TMEM101: variants seen among roughly 807,000 people sequenced by gnomAD.
The protein encoded by TMEM101 is putative NF-kappa-B-activating protein 130.
TMEM101 carries 14 observed loss-of-function variants against 26.0 expected under a neutral mutation model. The ratio of observed to expected loss-of-function variants is 0.54; its 90% confidence interval spans 0.36 to 0.84. The LOEUF (loss-of-function observed/expected upper bound fraction) is 0.84, where lower values mean the gene tolerates loss of function less well. Among genes scored for constraint, TMEM101 ranks in the 40% least tolerant of loss-of-function variants. The pLI is 0.01. For synonymous variants in TMEM101, 152 were observed against 145.1 expected (o/e 1.05, Z -0.34); for missense variants, 292 against 345.1 (o/e 0.85, Z 1.22).
intron 2 of TMEM101, among the ~76,000 whole-genome samples, chr17:44,021,143 T>TA (rs1261389263): frequency 6.6e-6 from 1 of 152,200 alleles, no homozygotes; most frequent in Non-Finnish European, 1.5e-5. Context: ...TGGACCTGAA[T>TA]GTTCCGTTCT....
chr17:44,015,459 T>C (rs1341173394), upstream of TMEM101, among the ~76,000 whole-genome samples: 1 of 152,070 alleles, frequency 6.6e-6, no homozygotes, highest in Non-Finnish European at 1.5e-5. Context: ...AATGGCACGA[T>C]CTTGGCTCAC....
At position 44,014,622 on chromosome 17, in the gene TMEM101, C is replaced by T. The variant is rs2049205845; in HGVS notation, c.138-85G>A. The T allele has an allele frequency of 5.2e-6, 8 of 1,526,392 alleles. No individual in the cohort carries two copies. The South Asian group carries it at 9.7e-5, about 19-fold the overall frequency. 94.6% of individuals were successfully genotyped at this position (1,526,392 alleles called of 1,614,324 possible). Reference sequence around the variant, plus strand: ...GAGACCCCTTGAGTTCCCACAGGCTCCACTGCTCCCCCAAACCAGACTCCC... The same window carrying T: ...GAGACCCCTTGAGTTCCCACAGGCTTCACTGCTCCCCCAAACCAGACTCCC... On this transcript the variant is annotated intron_variant, in intron 1 of 3. Coordinates refer to ENST00000206380, the MANE Select transcript of TMEM101 (RefSeq NM_032376.4).
intron 2 of TMEM101, among the ~76,000 whole-genome samples, chr17:44,020,062 T>C (rs71371964): frequency 0.021 from 3,142 of 152,274 alleles, 133 homozygotes; most frequent in African/African-American, 0.072. Flanking sequence ...AGCTGAATGT[T>C]TGAATTTGTT....
upstream of TMEM101, among the ~76,000 whole-genome samples, chr17:44,016,628 TGTAA>T (rs2049234256): frequency 6.6e-6 from 1 of 152,182 alleles, no homozygotes; most frequent in African/African-American, 2.4e-5. Flanking sequence ...TTGAAAATAC[TGTAA>T]GTTGAAAATG....
chr17:44,012,325 TCCCTGCAGATGGGCTTCTGACTC>T, intron 3 of TMEM101, 89 bp from the exon 4 acceptor site: 1 of 1,261,676 alleles, frequency 7.9e-7, no homozygotes, highest in East Asian at 2.5e-5. Flanking sequence ...TGCAAATGAG[TCCCTGCAGATGGGCTTCTGACTC>T]CCCTCTTGGA....
At position 44,012,202 on chromosome 17, in the gene TMEM101, A is replaced by G. The variant is rs773756005; in HGVS notation, c.500T>C (p.Leu167Pro). 1 of 1,614,050 alleles carries G rather than the reference A, an allele frequency of 6.2e-7. No homozygotes were observed. Among genetic ancestry groups the G allele is most frequent in the Non-Finnish European group, 8.5e-7 (1 of 1,179,948 alleles). ...YSLQHSKEDR[L>P]AYLNHLPGGE... ...TCCTGGGAGATGGTTCAGATACGCC[A>G]GCCGGTCCTCCTTGCTGTGCTGCAG... Residue 167 changes from leucine to proline, a missense_variant, in exon 4 of 4, where the codon CTG (leucine) becomes CCG (proline). Around this residue, in one of 2 missense-constraint regions of TMEM101, gnomAD observed 149 missense variants for 211.9 expected, o/e 0.70. Transcript: ENST00000206380.
chr17:44,014,708 A>T, intron 1 of TMEM101, 108 bp downstream of exon 1: 1 of 1,502,294 alleles, frequency 6.7e-7, no homozygotes, highest in Non-Finnish European at 8.9e-7. Context: ...AACCCCTCCC[A>T]GGGAGGTCCC....
chr17:44,012,126 C>T lies in TMEM101; in HGVS notation c.576G>A (p.Leu192=). 1 of 1,614,244 alleles carries T rather than the reference C, an allele frequency of 6.2e-7. No individual in the cohort carries two copies. Among genetic ancestry groups the T allele is most frequent in the Non-Finnish European group, 8.5e-7 (1 of 1,180,030 alleles). Residue 192 remains leucine (L), a synonymous_variant, in exon 4 of 4, where the codon CTG becomes CTA. Transcript: ENST00000206380. ...LFFVLYGILA[L]AFLSGYYVTL... ...TCACGTAGTAGCCTGACAGAAAGGC[C>T]AGGGCCAGGATGCCATACAGCACGA...
chr17:44,021,938 TAGGAC>T (rs1190118729), intron 1 of TMEM101, among the ~76,000 whole-genome samples: 1 of 152,216 alleles, frequency 6.6e-6, no homozygotes, highest in African/African-American at 2.4e-5. Flanking sequence ...CATGTTGATT[TAGGAC>T]AGTTACTTGC....
At chr17:44,012,988 A>G in intron 3 of TMEM101, 21 bp downstream of exon 3, 2 of 1,533,510 alleles carry the variant, frequency 1.3e-6, no homozygotes, top group Non-Finnish European at 1.8e-6. Flanking sequence ...GGCACCTCCA[A>G]CCAACAGTCC....
upstream of TMEM101, among the ~76,000 whole-genome samples, chr17:44,018,228 G>A (rs1422818199): frequency 6.6e-6 from 1 of 152,214 alleles, no homozygotes; most frequent in Non-Finnish European, 1.5e-5. Context: ...TACTCAGGAG[G>A]TTGAGGCAAG....
Position 44,014,928 on chromosome 17 carries a change from G to T in TMEM101, c.25C>A (p.Arg9=). MASKIGSR[R]WMLQLIMQLG... The stretch of plus-strand genomic sequence containing the variant: ...TGCATGATCAGCTGCAACATCCACC[G>T]TCTCGAACCTATCTTCGACGCCATC... Residue 9 remains arginine (R), a synonymous_variant, in exon 1 of 4, where the codon CGG becomes AGG. Coordinates refer to ENST00000206380, the MANE Select transcript of TMEM101 (RefSeq NM_032376.4). 1.9e-6 allele frequency: 3 copies of T among 1,613,304 alleles called. No individual in the cohort carries two copies. Among genetic ancestry groups the T allele is most frequent in the Non-Finnish European group, 2.5e-6 (3 of 1,179,578 alleles).
At chr17:44,020,978 A>C (rs956650277) in intron 2 of TMEM101, among the ~76,000 whole-genome samples, 1 of 152,204 alleles carries the variant, frequency 6.6e-6, no homozygotes, top group Non-Finnish European at 1.5e-5. Context: ...AGTAACAAAA[A>C]TGGAGGGGAA....
At position 44,013,175 on chromosome 17, in the gene TMEM101, C is replaced by CA; in HGVS notation, c.319-21_319-20insT. ...ACGGACCTAGGCCGGGGTAAGGGGA[C>CA]CCCAGTCAAGAACTGCAGCCGCCAC... On this transcript the variant is annotated intron_variant, in intron 2 of 3. Transcript: ENST00000206380. The CA allele has an allele frequency of 6.6e-7, 1 of 1,518,258 alleles. No homozygotes were observed. Among genetic ancestry groups the CA allele is most frequent in the Non-Finnish European group, 8.9e-7 (1 of 1,120,238 alleles). 94.0% of individuals were successfully genotyped at this position (1,518,258 alleles called of 1,614,324 possible). A position where few individuals can be genotyped will look rare whatever the true frequency, so the allele number is the denominator to read the frequency against.
upstream of TMEM101, among the ~76,000 whole-genome samples, chr17:44,017,070 G>A (rs1403564286): frequency 6.6e-6 from 1 of 151,208 alleles, no homozygotes; most frequent in Non-Finnish European, 1.5e-5. Context: ...AGAATCGCTT[G>A]AACCTGGGCG....
upstream of TMEM101, chr17:44,019,433 TA>T (rs1296495004): frequency 3.9e-6 from 1 of 255,664 alleles, no homozygotes; most frequent in Admixed American, 5.0e-5. Flanking sequence ...TCTAGGACCC[TA>T]GCTCTTTTGT....
chr17:44,015,435 C>G (rs927870883), upstream of TMEM101, among the ~76,000 whole-genome samples: 10 of 151,804 alleles, frequency 6.6e-5, no homozygotes, highest in Admixed American at 3.9e-4. Flanking sequence ...ACTCTGTCGC[C>G]TAGGCTGGAG....
chr17:44,015,131 G>T, upstream of TMEM101: 1 of 713,128 alleles, frequency 1.4e-6, no homozygotes, highest in Non-Finnish European at 2.2e-6. Flanking sequence ...GTCTGCTCAT[G>T]GAGCCTTCAG....
chr17:44,019,623 C>T (rs1597874158), upstream of TMEM101, among the ~76,000 whole-genome samples: 3 of 152,204 alleles, frequency 2.0e-5, no homozygotes, highest in South Asian at 2.1e-4. Context: ...AAGGGGCTCA[C>T]ACAACCTGTT....
Sources: gnomAD v4.1 joint callset for allele counts (sites outside exome capture counted in the v4.1 genomes callset) on GRCh38, gnomAD v4.1.1 for gene constraint, gnomAD v4.1.1 regional missense constraint, MANE v1.5 for transcripts, NCBI Gene and HGNC (gene_info 2026-07-23, HGNC 2026-07-21) for gene names.